MEI4: variants seen among roughly 807,000 people sequenced by gnomAD.
The protein encoded by MEI4 is meiosis-specific protein MEI4.
In MEI4, 27 loss-of-function variants were observed where a neutral mutation model predicts 31.4. The ratio of observed to expected loss-of-function variants is 0.86; its 90% CI spans 0.63 to 1.19. The LOEUF is 1.19. MEI4 is among the 50% of genes most tolerant of loss of function. The pLI is 0.00. For missense variants in MEI4, 329 were observed against 398.9 expected (o/e 0.82, Z 1.49); for synonymous variants, 122 against 145.4 (o/e 0.84, Z 1.16).
chr6:77,665,337 G>T lies in MEI4; in HGVS notation c.-15+12245G>T, dbSNP rs578189207. On this transcript the variant is annotated intron_variant, in intron 1 of 4. Coordinates refer to ENST00000684080, the MANE Select transcript of MEI4 (RefSeq NM_001322247.2). ...AAGGGTGAAAGATAAGGGGTTGAGG[G>T]GTACTTGCCCCTCCCCCAGAAAAGC... is the stretch of plus-strand genomic sequence containing the variant. 7.2e-5 allele frequency among the ~76,000 whole-genome samples: 11 copies of T among 152,154 alleles called. 1 individual carries two copies. In the South Asian group the frequency reaches 2.3e-3, roughly 32 times the overall value.
rs1221245400 is a variant in MEI4, at chr6:77,923,856, G to A, written c.*510G>A. The stretch of plus-strand genomic sequence containing the variant: ...CACCTTAGACGAGAATCATATAGAA[G>A]TAGAACTTTTTTAACATTTGGAAAC... On this transcript the variant is annotated 3_prime_UTR_variant, in exon 5 of 5. Transcript: ENST00000684080. The A allele has an allele frequency of 6.6e-6, 1 of 151,700 alleles. No individual in the cohort carries two copies. The highest frequency in any genetic ancestry group is 2.4e-5 in the African/African-American group (1 of 41,388). 9.4% of individuals were successfully genotyped at this position (151,700 alleles called of 1,614,324 possible). A position where few individuals can be genotyped will look rare whatever the true frequency, so the allele number is the denominator to read the frequency against.
chr6:77,747,297 G>C (rs1055817556), intron 2 of MEI4, among the ~76,000 whole-genome samples: 23 of 152,104 alleles, frequency 1.5e-4, no homozygotes, highest in African/African-American at 5.1e-4. Flanking sequence ...AGGCAACAGA[G>C]CAAGACTCAA....
chr6:77,841,334 T>TATATATATATATATA (rs1554168570), intron 4 of MEI4, among the ~76,000 whole-genome samples: 4 of 32,746 alleles, frequency 1.2e-4, no homozygotes, highest in African/African-American at 7.0e-4. Flanking sequence ...TATATATATA[T>TATATATATATATATA]TTTTTTTTTT....
intron 3 of MEI4, among the ~76,000 whole-genome samples, chr6:77,788,730 A>ACC (rs939766658): frequency 3.3e-5 from 5 of 152,156 alleles, no homozygotes; most frequent in African/African-American, 1.2e-4. Flanking sequence ...AGAACTACAA[A>ACC]CCACTGCTCA....
chr6:77,839,659 TAACAG>T (rs1770310559), intron 4 of MEI4, among the ~76,000 whole-genome samples: 1 of 152,162 alleles, frequency 6.6e-6, no homozygotes. Flanking sequence ...AAACTACCAC[TAACAG>T]AAGGTAGGGC....
intron 1 of MEI4, among the ~76,000 whole-genome samples, chr6:77,679,416 G>T (rs552422981): frequency 2.4e-4 from 14 of 57,696 alleles, no homozygotes; most frequent in Non-Finnish European, 4.1e-4. Context: ...TGTTACAGTT[G>T]CCTACAGTAT....
intron 3 of MEI4, among the ~76,000 whole-genome samples, chr6:77,787,139 T>C (rs1259686319): frequency 7.2e-5 from 11 of 151,888 alleles, no homozygotes; most frequent in African/African-American, 2.7e-4. Flanking sequence ...ATGCAGACTT[T>C]GATCTGAACT....
intron 2 of MEI4, among the ~76,000 whole-genome samples, chr6:77,697,280 G>C (rs2127654713): frequency 6.6e-6 from 1 of 152,182 alleles, no homozygotes; most frequent in African/African-American, 2.4e-5. Flanking sequence ...GTTCTGCTCT[G>C]ATTTTAGTTA....
intron 1 of MEI4, among the ~76,000 whole-genome samples, chr6:77,666,885 G>GTGCA (rs1768647973): frequency 1.4e-5 from 2 of 140,128 alleles, no homozygotes; most frequent in Admixed American, 7.1e-5. Flanking sequence ...GTGTGTGTGC[G>GTGCA]TGCGTGCGTG....
rs1278001487 is a variant in MEI4 at position 77,923,595 on chromosome 6, A to G, written c.*249A>G. Reference sequence around the variant, plus strand: ...TTCCCATGTAACTGTATCTTATTTCACTCAATATAGTTTAGCTCTATTATT... The same window carrying G: ...TTCCCATGTAACTGTATCTTATTTCGCTCAATATAGTTTAGCTCTATTATT... On this transcript the variant is annotated 3_prime_UTR_variant, in exon 5 of 5. Coordinates refer to ENST00000684080, the MANE Select transcript of MEI4 (RefSeq NM_001322247.2). 1.9e-5 allele frequency: 5 copies of G among 261,626 alleles called. No individual in the cohort carries two copies. The highest frequency in any genetic ancestry group is 2.8e-5 in the Non-Finnish European group (4 of 140,784). 16.2% of individuals were successfully genotyped at this position (261,626 alleles called of 1,614,324 possible).
intron 3 of MEI4, among the ~76,000 whole-genome samples, chr6:77,818,057 T>C (rs1769728190): frequency 6.6e-6 from 1 of 152,212 alleles, no homozygotes; most frequent in Admixed American, 6.5e-5. Flanking sequence ...TGAACAGTTT[T>C]TCAATGTGGC....
chr6:77,814,343 G>T (rs982532404), intron 3 of MEI4, among the ~76,000 whole-genome samples: 4 of 152,112 alleles, frequency 2.6e-5, no homozygotes, highest in Admixed American at 6.6e-5. Flanking sequence ...AGGGCTCAAG[G>T]TTCATTGATA....
chr6:77,733,843 G>T (rs547756173), intron 2 of MEI4, among the ~76,000 whole-genome samples: 1 of 151,938 alleles, frequency 6.6e-6, no homozygotes, highest in Non-Finnish European at 1.5e-5. Context: ...GTTCTTATTG[G>T]TTTCAAAGAA....
intron 2 of MEI4, among the ~76,000 whole-genome samples, chr6:77,715,471 C>G (rs1036478957): frequency 1.3e-5 from 2 of 152,024 alleles, no homozygotes; most frequent in Non-Finnish European, 2.9e-5. Flanking sequence ...TAGGTTGGTG[C>G]CAAAGTAATT....
At chr6:77,741,457 T>C (rs1328840151) in intron 2 of MEI4, among the ~76,000 whole-genome samples, 2 of 152,018 alleles carry the variant, frequency 1.3e-5, no homozygotes, top group Non-Finnish European at 2.9e-5. Flanking sequence ...ATAATTGTGG[T>C]AATCAGTTCA....
At chr6:77,761,076 C>T (rs1213550554) in intron 2 of MEI4, 54 bp from the exon 3 acceptor site, 1 of 1,169,086 alleles carries the variant, frequency 8.6e-7, no homozygotes, top group African/African-American at 1.6e-5. Flanking sequence ...GCTAGTTTTA[C>T]ATGAAGAAAT....
chr6:77,827,897 C>A (rs6454007), intron 3 of MEI4, among the ~76,000 whole-genome samples: 82,746 of 151,952 alleles, frequency 0.54, 24,757 homozygotes, highest in African/African-American at 0.79. Flanking sequence ...CAGTTCATAG[C>A]TATACTATGG....
At chr6:77,666,600 CAG>C (rs1215748971) in intron 1 of MEI4, among the ~76,000 whole-genome samples, 2 of 152,158 alleles carry the variant, frequency 1.3e-5, no homozygotes, top group Non-Finnish European at 2.9e-5. Context: ...AACTGAGGCA[CAG>C]AGAGGTTGTA....
chr6:77,870,692 A>G (rs1771169266), intron 4 of MEI4, among the ~76,000 whole-genome samples: 1 of 105,230 alleles, frequency 9.5e-6, no homozygotes, highest in Non-Finnish European at 1.9e-5. Flanking sequence ...GCAAAACTGT[A>G]CTTACATTCT....
Sources: gnomAD v4.1 joint callset for allele counts (sites outside exome capture counted in the v4.1 genomes callset) on GRCh38, gnomAD v4.1.1 for gene constraint, MANE v1.5 for transcripts, NCBI Gene and HGNC (gene_info 2026-07-23, HGNC 2026-07-21) for gene names.